LRP1B: variants seen among roughly 807,000 people sequenced by gnomAD.
The protein encoded by LRP1B is LDL receptor related protein 1B, also known as low-density lipoprotein receptor-related protein 1B.
In LRP1B, 217 loss-of-function variants were observed where a neutral mutation model predicts 556.6. The ratio of observed to expected loss-of-function variants is 0.39; its 90% confidence interval spans 0.35 to 0.44. The LOEUF (loss-of-function observed/expected upper bound fraction) is 0.44. LRP1B is among the 20% of genes least tolerant of loss of function. The pLI, the probability that LRP1B is intolerant of heterozygous loss-of-function variation, is 1.00. For synonymous variants in LRP1B, 2,047 were observed against 1,865.8 expected, an observed-to-expected ratio of 1.10 and a Z score of -2.50; for missense variants, 5,053 against 5,620.8, an observed-to-expected ratio of 0.90 and a Z score of 3.23.
intron 3 of LRP1B, among the ~76,000 whole-genome samples, chr2:141,262,147 T>C (rs1357693715): frequency 6.6e-6 from 1 of 152,162 alleles, no homozygotes; most frequent in African/African-American, 2.4e-5. Flanking sequence ...CTAATTATTA[T>C]TGATTTTTTC....
intron 60 of LRP1B, among the ~76,000 whole-genome samples, chr2:140,458,011 T>TACA (rs1687172799): frequency 6.6e-6 from 1 of 151,606 alleles, no homozygotes; most frequent in African/African-American, 2.4e-5. Context: ...CATATACATA[T>TACA]TTACATATAT....
At chr2:141,982,194 T>G (rs550440478) in intron 1 of LRP1B, among the ~76,000 whole-genome samples, 1 of 152,260 alleles carries the variant, frequency 6.6e-6, no homozygotes, top group South Asian at 2.1e-4. Context: ...CGTAGGTGGG[T>G]AGGTGGAGAC....
intron 56 of LRP1B, 39 bp from the exon 57 acceptor site, chr2:140,492,732 T>C (rs1299207184): frequency 7.4e-7 from 1 of 1,354,674 alleles, no homozygotes. Context: ...ACTTTAAGTA[T>C]GTATGCTTTT....
chr2:140,495,402 G>C (rs1688878596), intron 56 of LRP1B, among the ~76,000 whole-genome samples, 163 bp downstream of exon 56: 1 of 150,956 alleles, frequency 6.6e-6, no homozygotes, highest in South Asian at 2.1e-4. Flanking sequence ...TATGAACAGA[G>C]CATACAAAAT....
intron 31 of LRP1B, among the ~76,000 whole-genome samples, chr2:140,820,102 A>T (rs7590100): frequency 4.6e-5 from 7 of 151,924 alleles, no homozygotes; most frequent in Non-Finnish European, 7.4e-5. Flanking sequence ...CGGGCTCAAG[A>T]GATTCTCTTG....
intron 66 of LRP1B, among the ~76,000 whole-genome samples, chr2:140,398,153 A>T (rs1684334141): frequency 6.6e-6 from 1 of 152,202 alleles, no homozygotes; most frequent in African/African-American, 2.4e-5. Flanking sequence ...TTATAACCAC[A>T]GTTAGCAAAT....
At chr2:141,737,506 A>G (rs72847422) in intron 2 of LRP1B, among the ~76,000 whole-genome samples, 13,181 of 152,228 alleles carry the variant, frequency 0.087, 664 homozygotes, top group African/African-American at 0.13. Context: ...TTAAAATACA[A>G]AACAGTTTTC....
At chr2:140,815,349 C>T (rs1453625202) in intron 31 of LRP1B, among the ~76,000 whole-genome samples, 1 of 151,976 alleles carries the variant, frequency 6.6e-6, no homozygotes, top group Non-Finnish European at 1.5e-5. Flanking sequence ...ACTCTGTTGC[C>T]CGGCTAGAAT....
rs188470009 is a variant in LRP1B at position 141,691,332 on chromosome 2, G to A, written c.205+118947C>T. On this transcript the variant is annotated intron_variant, in intron 2 of 90. Coordinates refer to ENST00000389484, the MANE Select transcript of LRP1B (RefSeq NM_018557.3). ...GGAACTTGAAATATTATTTTCTAGTGTTCTTCTGATTTAGACCCAGAATTT... is the reference window on the plus strand; with the variant it reads ...GGAACTTGAAATATTATTTTCTAGTATTCTTCTGATTTAGACCCAGAATTT... Among the ~76,000 whole-genome samples, 56 of 151,752 alleles carry A rather than the reference G, an allele frequency of 3.7e-4. No homozygotes were observed. The Middle Eastern group carries it at 0.017, about 46-fold the overall frequency.
chr2:141,551,848 C>T (rs1685761118), intron 2 of LRP1B, among the ~76,000 whole-genome samples: 1 of 151,956 alleles, frequency 6.6e-6, no homozygotes, highest in South Asian at 2.1e-4. Flanking sequence ...CATTATTTTC[C>T]ACAGCCAATT....
In LRP1B at chr2:141,941,909, C is replaced by T. The variant is rs368049861; in HGVS notation, c.83-131508G>A. The stretch of plus-strand genomic sequence containing the variant: ...TACCGTATAAGATTCAGAGCAAAGA[C>T]TATTACATAATGCTTAATCAATAAA... On this transcript the variant is annotated intron_variant, in intron 1 of 90. Coordinates refer to ENST00000389484, the MANE Select transcript of LRP1B (RefSeq NM_018557.3). 6.6e-5 allele frequency among the ~76,000 whole-genome samples: 10 copies of T among 152,308 alleles called. No individual in the cohort carries two copies. The East Asian group carries it at 1.5e-3, about 23-fold the overall frequency.
chr2:140,930,853 G>T (rs1695028215), intron 20 of LRP1B, among the ~76,000 whole-genome samples: 2 of 152,070 alleles, frequency 1.3e-5, no homozygotes, highest in Non-Finnish European at 2.9e-5. Context: ...TTTTGCTTCA[G>T]ATTTCTTCTC....
At chr2:141,335,201 A>G (rs1283980413) in intron 3 of LRP1B, among the ~76,000 whole-genome samples, 2 of 152,220 alleles carry the variant, frequency 1.3e-5, no homozygotes, top group Non-Finnish European at 2.9e-5. Context: ...AGACACACAA[A>G]GGCAAAAGCA....
At chr2:141,438,641 A>G (rs1181130919) in intron 3 of LRP1B, among the ~76,000 whole-genome samples, 1 of 152,182 alleles carries the variant, frequency 6.6e-6, no homozygotes, top group African/African-American at 2.4e-5. Flanking sequence ...GAGTTCATCC[A>G]GGAACAAGGG....
chr2:140,987,911 G>A (rs1696974861), intron 17 of LRP1B, among the ~76,000 whole-genome samples: 1 of 152,024 alleles, frequency 6.6e-6, no homozygotes, highest in African/African-American at 2.4e-5. Flanking sequence ...TTGCACCTGG[G>A]AGGCGAAAGT....
intron 3 of LRP1B, among the ~76,000 whole-genome samples, chr2:141,383,620 G>GT (rs1311516436): frequency 4.1e-4 from 63 of 152,252 alleles, no homozygotes; most frequent in African/African-American, 1.5e-3. Flanking sequence ...TCAAAGAACT[G>GT]TAAGTCAAAA....
intron 2 of LRP1B, among the ~76,000 whole-genome samples, chr2:141,599,966 C>G (rs1284902023): frequency 6.6e-6 from 1 of 152,002 alleles, no homozygotes; most frequent in South Asian, 2.1e-4. Flanking sequence ...CCACACACAC[C>G]CACACCTTTC....
rs1323921802 is a variant in LRP1B at position 140,405,925 on chromosome 2, A to G, written c.10415-19916T>C. Among the ~76,000 whole-genome samples the G allele has an allele frequency of 2.0e-5, 3 of 152,174 alleles. No homozygotes were observed. In the South Asian group the frequency reaches 6.2e-4, roughly 31 times the overall value. ...ACAGACCAAAATTTCTGGTGAACAT[A>G]GAAGCAAAAATCCCCAACAAAATAC... is the stretch of plus-strand genomic sequence containing the variant. On this transcript the variant is annotated intron_variant, in intron 66 of 90. Coordinates refer to ENST00000389484, the MANE Select transcript of LRP1B (RefSeq NM_018557.3).
chr2:140,238,169 T>C lies in LRP1B; in HGVS notation c.13543A>G (p.Met4515Val), dbSNP rs764722160. ...NDGGLLDPGFMIDPTKARYIG... is the reference protein window; with the variant it reads ...NDGGLLDPGFVIDPTKARYIG... ...CATACTACCTTTGTTGGGTCTATCATAAAGCCAGGATCTAAAAGACCTCCA... is the reference window on the plus strand; with the variant it reads ...CATACTACCTTTGTTGGGTCTATCACAAAGCCAGGATCTAAAAGACCTCCA... Residue 4515 changes from methionine to valine, a missense_variant, in exon 89 of 91, where the codon ATG (methionine) becomes GTG (valine). Transcript: ENST00000389484. The C allele has an allele frequency of 6.2e-7, 1 of 1,603,888 alleles. No homozygotes were observed. Among genetic ancestry groups the C allele is most frequent in the Non-Finnish European group, 8.5e-7 (1 of 1,173,878 alleles).
Sources: allele counts gnomAD v4.1 joint callset (sites outside exome capture counted in the v4.1 genomes callset), GRCh38; gene constraint gnomAD v4.1.1; transcripts MANE v1.5; gene names NCBI Gene and HGNC (gene_info 2026-07-23, HGNC 2026-07-21).